Variants in HTR4 observed in about 807,000 individuals in gnomAD.
HTR4 encodes the protein 5-hydroxytryptamine receptor 4.
Under a neutral mutation model 36.8 loss-of-function variants are expected in HTR4, and 16 were observed. The ratio of observed to expected loss-of-function variants is 0.43; its 90% CI spans 0.29 to 0.66. The LOEUF (loss-of-function observed/expected upper bound fraction) is 0.66. Among genes scored for constraint, HTR4 ranks in the 30% least tolerant of loss-of-function variants. The pLI is 0.13. For missense variants in HTR4, 438 were observed against 490.9 expected, an observed-to-expected ratio of 0.89 and a Z score of 1.02; for synonymous variants, 189 against 185.1, an observed-to-expected ratio of 1.02 and a Z score of -0.17.
chr5:148,467,140 A>AC (rs1373415054), intron 5 of HTR4, among the ~76,000 whole-genome samples: 1 of 152,240 alleles, frequency 6.6e-6, no homozygotes, highest in Non-Finnish European at 1.5e-5. Context: ...ATTTTAGTGC[A>AC]CAAAGGGTAG....
rs1755922070 is a variant in HTR4 at position 148,482,247 on chromosome 5, C to A, written c.*956G>T. 1.0e-6 allele frequency: 1 copy of A among 985,374 alleles called. No homozygotes were observed. The highest frequency in any genetic ancestry group is 6.1e-5 in the Admixed American group (1 of 16,262). 61.0% of individuals were successfully genotyped at this position (985,374 alleles called of 1,614,324 possible). A position where few individuals can be genotyped will look rare whatever the true frequency, so the allele number is the denominator to read the frequency against. Reference sequence around the variant, plus strand: ...CAGTGTGAACTTCCAACAGTTATCTCCTTTGGCAGCAACAAAGCCAGATTG... The same window carrying A: ...CAGTGTGAACTTCCAACAGTTATCTACTTTGGCAGCAACAAAGCCAGATTG... On this transcript the variant is annotated 3_prime_UTR_variant, in exon 7 of 7. Transcript: ENST00000377888.
At chr5:148,540,440 ATATATAT>A (rs1759061673) in intron 4 of HTR4, among the ~76,000 whole-genome samples, 4 of 126,038 alleles carry the variant, frequency 3.2e-5, no homozygotes, top group Admixed American at 8.1e-5. Flanking sequence ...ATATATATAT[ATATATAT>A]AATCTTATAT....
At chr5:148,493,159 A>G (rs1350282483) in intron 6 of HTR4, among the ~76,000 whole-genome samples, 1 of 152,148 alleles carries the variant, frequency 6.6e-6, no homozygotes, top group Non-Finnish European at 1.5e-5. Flanking sequence ...GTGTGATCTC[A>G]ACAAGAACAG....
rs71001490 is a variant in HTR4, at chr5:148,463,165, C to CTTTTTTTTTTTTTTTTTTTTTTTTT, written c.1077-11918_1077-11894dup. 4.5e-4 allele frequency among the ~76,000 whole-genome samples: 29 copies of CTTTTTTTTTTTTTTTTTTTTTTTTT among 64,156 alleles called. 1 individual carries two copies. The highest frequency in any genetic ancestry group is 6.0e-4 in the Non-Finnish European group (22 of 36,456). The allele number at this position is 64,156 out of a possible 152,430, so 42.1% of individuals were successfully genotyped here. A position where few individuals can be genotyped will look rare whatever the true frequency, so the allele number is the denominator to read the frequency against. On this transcript the variant is annotated intron_variant, in intron 5 of 5. Transcript: ENST00000521530. ...CTTTGCTTTTCATTTCTTTTTTTTT[C>CTTTTTTTTTTTTTTTTTTTTTTTTT]TTTTTTTTTTTTTTTTTTTTTTTTT...
downstream of HTR4, among the ~76,000 whole-genome samples, chr5:148,477,047 G>C (rs1755721416): frequency 6.6e-6 from 1 of 152,164 alleles, no homozygotes; most frequent in South Asian, 2.1e-4. Context: ...GAAAGTATTG[G>C]TAGGCTATGA....
intron 4 of HTR4, among the ~76,000 whole-genome samples, chr5:148,528,266 T>G (rs555242820): frequency 2.0e-5 from 3 of 152,324 alleles, no homozygotes; most frequent in Middle Eastern, 3.4e-3. Context: ...CTCTGCAGCT[T>G]CTTCAATGTG....
At chr5:148,498,367 C>T (rs574823709) in intron 6 of HTR4, among the ~76,000 whole-genome samples, 3 of 152,202 alleles carry the variant, frequency 2.0e-5, no homozygotes, top group Admixed American at 1.3e-4. Context: ...GTTCTCTATA[C>T]CTTTTAGGAT....
At chr5:148,533,653 C>T (rs905033126) in intron 4 of HTR4, among the ~76,000 whole-genome samples, 15 of 152,212 alleles carry the variant, frequency 9.9e-5, no homozygotes, top group African/African-American at 3.6e-4. Flanking sequence ...TAGCAGTCAA[C>T]TTTACGTCTT....
intron 2 of HTR4, among the ~76,000 whole-genome samples, chr5:148,559,327 C>T (rs1760089774): frequency 6.6e-6 from 1 of 152,160 alleles, no homozygotes; most frequent in Admixed American, 6.5e-5. Flanking sequence ...GTGGCTTCTT[C>T]ATTACCTTTA....
chr5:148,533,434 G>T (rs1355826745), intron 4 of HTR4, among the ~76,000 whole-genome samples: 1 of 152,172 alleles, frequency 6.6e-6, no homozygotes. Context: ...TGATCAAATT[G>T]CTTTTAAATG....
At chr5:148,569,152 T>C (rs1760571622) in intron 2 of HTR4, among the ~76,000 whole-genome samples, 1 of 152,100 alleles carries the variant, frequency 6.6e-6, no homozygotes, top group Non-Finnish European at 1.5e-5. Context: ...CAGTCATATT[T>C]GTAATATTTT....
chr5:148,487,113 A>G (rs1036270308), intron 6 of HTR4, among the ~76,000 whole-genome samples: 1 of 152,058 alleles, frequency 6.6e-6, no homozygotes, highest in Admixed American at 6.6e-5. Flanking sequence ...TTTTTTTCAC[A>G]TTTAATCTTC....
chr5:148,614,978 G>C (rs1249879734), intron 2 of HTR4, among the ~76,000 whole-genome samples: 24 of 152,114 alleles, frequency 1.6e-4, no homozygotes, highest in Non-Finnish European at 2.9e-4. Context: ...AAACCACAAT[G>C]AGATACCATC....
intron 2 of HTR4, among the ~76,000 whole-genome samples, chr5:148,574,393 C>T (rs1760805878): frequency 6.7e-6 from 1 of 149,004 alleles, no homozygotes; most frequent in Non-Finnish European, 1.5e-5. Context: ...CTCGCGCGCT[C>T]TCTCTCTCTC....
At chr5:148,580,392 A>C (rs1243274235) in intron 2 of HTR4, among the ~76,000 whole-genome samples, 2 of 152,120 alleles carry the variant, frequency 1.3e-5, no homozygotes, top group Middle Eastern at 3.4e-3. Flanking sequence ...ATCATGCCAA[A>C]ATTCCCCCTT....
intron 2 of HTR4, among the ~76,000 whole-genome samples, chr5:148,551,809 C>A (rs1759708123): frequency 6.6e-6 from 1 of 152,132 alleles, no homozygotes; most frequent in Non-Finnish European, 1.5e-5. Flanking sequence ...TTGGGTTGGG[C>A]TGCATTAAAA....
chr5:148,640,952 C>T (rs1048722338), intron 1 of HTR4, among the ~76,000 whole-genome samples: 3 of 152,074 alleles, frequency 2.0e-5, no homozygotes, highest in African/African-American at 7.2e-5. Context: ...TTCAACAAAC[C>T]AGTGAGATAG....
intron 6 of HTR4, among the ~76,000 whole-genome samples, chr5:148,497,497 G>T (rs919744482): frequency 1.3e-5 from 2 of 152,000 alleles, no homozygotes; most frequent in African/African-American, 4.8e-5. Flanking sequence ...TTTGGATTTT[G>T]TATGTACAAT....
At position 148,654,272 on chromosome 5, in the gene HTR4, C is replaced by T; in HGVS notation, c.-258G>A. 1.0e-6 allele frequency: 1 copy of T among 985,290 alleles called. No homozygotes were observed. The highest frequency in any genetic ancestry group is 1.2e-6 in the Non-Finnish European group (1 of 829,880). The allele number at this position is 985,290 out of a possible 1,614,324, so 61.0% of individuals were successfully genotyped here. A position where few individuals can be genotyped will look rare whatever the true frequency, so the allele number is the denominator to read the frequency against. On this transcript the variant is annotated 5_prime_UTR_variant, in exon 1 of 7. Coordinates refer to ENST00000377888, the MANE Select transcript of HTR4 (RefSeq NM_000870.7). Reference sequence around the variant, plus strand: ...GCCAGGGGCTGCGGGCGCAGGACCCCAGCCCCGGATCACCTGGGCTCGCCG... The same window carrying T: ...GCCAGGGGCTGCGGGCGCAGGACCCTAGCCCCGGATCACCTGGGCTCGCCG...
Sources: allele counts gnomAD v4.1 joint callset (sites outside exome capture counted in the v4.1 genomes callset), GRCh38; gene constraint gnomAD v4.1.1; transcripts MANE v1.5; gene names NCBI Gene and HGNC (gene_info 2026-07-23, HGNC 2026-07-21).